The following SORBS2 variants were observed in gnomAD, a reference collection of about 807,000 sequenced individuals.
SORBS2 encodes sorbin and SH3 domain-containing protein 2.
A neutral mutation model predicts 97.7 loss-of-function variants in SORBS2; 46 were observed. The ratio of observed to expected loss-of-function variants is 0.47; its 90% CI spans 0.37 to 0.60. SORBS2 has a LOEUF of 0.60. Ranked by LOEUF, SORBS2 falls within the 20% of genes least tolerant of loss-of-function variation. SORBS2 has a pLI of 0.00. For missense variants in SORBS2, 1,316 were observed against 1,282.3 expected (o/e 1.03, Z -0.40); for synonymous variants, 476 against 473.4 (o/e 1.01, Z -0.07).
At chr4:185,762,697 T>C (rs565528342) in intron 2 of SORBS2, among the ~76,000 whole-genome samples, 21 of 152,356 alleles carry the variant, frequency 1.4e-4, no homozygotes, top group Admixed American at 2.6e-4. Context: ...TTATGTAATA[T>C]CTGGTTTCTC....
intron 2 of SORBS2, among the ~76,000 whole-genome samples, chr4:185,683,029 AG>A (rs1353760603): frequency 1.4e-3 from 178 of 123,176 alleles, no homozygotes; most frequent in African/African-American, 5.0e-3. Context: ...AAAAAAAAAA[AG>A]AAAAGAAAAG....
intron 1 of SORBS2, among the ~76,000 whole-genome samples, chr4:185,879,169 C>A (rs1382378165): frequency 1.1e-5 from 1 of 89,276 alleles, no homozygotes; most frequent in Non-Finnish European, 2.4e-5. Context: ...TATCCCTCCC[C>A]CCCCCCCACC....
chr4:185,934,978 T>A (rs1412314847), intron 1 of SORBS2, among the ~76,000 whole-genome samples: 1 of 152,180 alleles, frequency 6.6e-6, no homozygotes, highest in African/African-American at 2.4e-5. Flanking sequence ...TTCTCCATAA[T>A]TTGCACTTTA....
chr4:185,756,255 ACT>A (rs56734929), intron 2 of SORBS2, among the ~76,000 whole-genome samples: 11,084 of 152,226 alleles, frequency 0.073, 670 homozygotes, highest in East Asian at 0.19. Flanking sequence ...AGAACACGTA[ACT>A]CTGTAAAATT....
At chr4:185,654,117 G>A (rs2097357163) in intron 1 of SORBS2, among the ~76,000 whole-genome samples, 1 of 152,086 alleles carries the variant, frequency 6.6e-6, no homozygotes. Flanking sequence ...TAACATGAAG[G>A]GCCACTTGAC....
intron 6 of SORBS2, 81 bp downstream of exon 18, chr4:185,626,751 A>G: frequency 1.4e-5 from 19 of 1,321,318 alleles, no homozygotes; most frequent in Non-Finnish European, 2.0e-5. Context: ...ACATGCCACT[A>G]TCACTGGGCC....
chr4:185,638,738 C>T, intron 4 of SORBS2, 139 bp downstream of exon 14: 1 of 722,452 alleles, frequency 1.4e-6, no homozygotes, highest in Non-Finnish European at 2.1e-6. Context: ...TCTCAGGGGC[C>T]TGTGGATGAG....
At chr4:185,658,743 T>G (rs1445946934), upstream of SORBS2, among the ~76,000 whole-genome samples, 2 of 142,746 alleles carry the variant, frequency 1.4e-5, no homozygotes, top group African/African-American at 2.6e-5. Flanking sequence ...CCAGCTGGAG[T>G]GCAGTGGTGT....
intron 1 of SORBS2, among the ~76,000 whole-genome samples, chr4:185,948,862 C>G (rs2099275844): frequency 6.6e-6 from 1 of 151,914 alleles, no homozygotes; most frequent in South Asian, 2.1e-4. Context: ...TTTTGTACTT[C>G]ATTTTAATTA....
chr4:185,660,035 G>T (rs1376364388), upstream of SORBS2, among the ~76,000 whole-genome samples: 3 of 152,132 alleles, frequency 2.0e-5, no homozygotes, highest in East Asian at 5.8e-4. Context: ...AATTCATCTA[G>T]GGCAAGGTAG....
intron 1 of SORBS2, among the ~76,000 whole-genome samples, chr4:185,863,809 T>C (rs1488371727): frequency 1.3e-5 from 2 of 152,244 alleles, no homozygotes; most frequent in Admixed American, 1.3e-4. Flanking sequence ...TGATTGTGAA[T>C]TAAATATAAC....
intron 4 of SORBS2, among the ~76,000 whole-genome samples, chr4:185,674,765 T>A (rs560005279): frequency 5.9e-5 from 9 of 152,274 alleles, no homozygotes; most frequent in African/African-American, 2.2e-4. Flanking sequence ...TCAAAGCCTT[T>A]ACATAAGACA....
At chr4:185,809,371 A>G (rs1318456401) in intron 1 of SORBS2, among the ~76,000 whole-genome samples, 1 of 134,568 alleles carries the variant, frequency 7.4e-6, no homozygotes, top group African/African-American at 2.8e-5. Context: ...GGGGATGTCT[A>G]GCTGGACTTG....
chr4:185,633,821 G>T (rs1465490236), intron 4 of SORBS2, among the ~76,000 whole-genome samples: 1 of 151,542 alleles, frequency 6.6e-6, no homozygotes, highest in East Asian at 1.9e-4. Flanking sequence ...GAGTGAATTG[G>T]ACATGATGCA....
At chr4:185,657,649 A>T, upstream of SORBS2, 1 of 1,504,700 alleles carries the variant, frequency 6.6e-7, no homozygotes, top group Non-Finnish European at 9.1e-7. Flanking sequence ...GGGAATCATA[A>T]ATTCATGTGT....
At chr4:185,675,115 C>A (rs1256758642) in intron 4 of SORBS2, 1 of 152,156 alleles carries the variant, frequency 6.6e-6, no homozygotes, top group African/African-American at 2.4e-5. Flanking sequence ...GGTGCCGATA[C>A]CCTGGGGATA....
chr4:185,840,671 C>T (rs965440159), intron 1 of SORBS2, among the ~76,000 whole-genome samples: 2 of 152,174 alleles, frequency 1.3e-5, no homozygotes, highest in Non-Finnish European at 2.9e-5. Context: ...CTTTCTCACA[C>T]CCAGCCTTTA....
intron 1 of SORBS2, among the ~76,000 whole-genome samples, chr4:185,879,176 C>CCCA (rs1491475757): frequency 0.017 from 1,479 of 85,084 alleles, 146 homozygotes; most frequent in African/African-American, 0.05. Context: ...CCCCCCCCCC[C>CCCA]ACCCCACGAC....
intron 7 of SORBS2, among the ~76,000 whole-genome samples, chr4:185,620,759 C>A (rs1036539858): frequency 6.6e-6 from 1 of 152,184 alleles, no homozygotes; most frequent in Non-Finnish European, 1.5e-5. Context: ...TTATCTACGA[C>A]CTTCCTTTGT....
Sources: gnomAD v4.1 joint callset for allele counts (sites outside exome capture counted in the v4.1 genomes callset) on GRCh38, gnomAD v4.1.1 for gene constraint, MANE v1.5 for transcripts, NCBI Gene and HGNC (gene_info 2026-07-23, HGNC 2026-07-21) for gene names.